Variants in NT5C2 observed in about 807,000 individuals in gnomAD.
NT5C2 encodes cytosolic purine 5'-nucleotidase.
Under a neutral mutation model 76.1 loss-of-function variants are expected in NT5C2, and 58 were observed. The ratio of observed to expected loss-of-function variants is 0.76; its 90% CI spans 0.62 to 0.95. The LOEUF (loss-of-function observed/expected upper bound fraction) is 0.95. Ranked by LOEUF, NT5C2 falls within the 40% of genes least tolerant of loss-of-function variation. NT5C2 has a pLI of 0.00. For missense variants in NT5C2, 478 were observed against 690.3 expected, an observed-to-expected ratio of 0.69 and a Z score of 3.45; for synonymous variants, 229 against 237.4, an observed-to-expected ratio of 0.96 and a Z score of 0.32.
At chr10:103,115,514 G>C (rs1198817394) in intron 4 of NT5C2, among the ~76,000 whole-genome samples, 1 of 152,038 alleles carries the variant, frequency 6.6e-6, no homozygotes, top group African/African-American at 2.4e-5. Context: ...CAAAAAATCT[G>C]GCCTACATTT....
intron 4 of NT5C2, among the ~76,000 whole-genome samples, chr10:103,134,700 T>A (rs773607419): frequency 6.6e-6 from 1 of 152,040 alleles, no homozygotes; most frequent in Non-Finnish European, 1.5e-5. Flanking sequence ...CCCAGAATAA[T>A]AGATCCACTG....
chr10:103,098,525 G>A (rs1196950268), intron 10 of NT5C2: 2 of 184,016 alleles, frequency 1.1e-5, no homozygotes, highest in Non-Finnish European at 2.2e-5. Context: ...TATTTCTCAG[G>A]TTTTTTATCT....
chr10:103,144,926 C>T (rs766753709), intron 3 of NT5C2, among the ~76,000 whole-genome samples: 39 of 152,186 alleles, frequency 2.6e-4, no homozygotes, highest in Admixed American at 4.6e-4. Context: ...AACTTAGAAA[C>T]AATCACTTCT....
intron 1 of NT5C2, among the ~76,000 whole-genome samples, chr10:103,187,419 G>C (rs1241585850): frequency 1.4e-5 from 2 of 147,094 alleles, no homozygotes; most frequent in East Asian, 2.0e-4. Context: ...CAGGTGTAGT[G>C]GTGGGCGCCT....
chr10:103,156,499 A>C (rs2083411458), intron 3 of NT5C2, among the ~76,000 whole-genome samples: 1 of 152,206 alleles, frequency 6.6e-6, no homozygotes, highest in Non-Finnish European at 1.5e-5. Context: ...TCATGCCTGT[A>C]ATCCCAGCAC....
chr10:103,191,567 G>A (rs141568615), intron 1 of NT5C2, among the ~76,000 whole-genome samples: 2 of 152,240 alleles, frequency 1.3e-5, no homozygotes, highest in Admixed American at 1.3e-4. Flanking sequence ...GGTTAAGGGT[G>A]GCAGGTACTA....
At chr10:103,123,103 T>A (rs1218823069) in intron 4 of NT5C2, among the ~76,000 whole-genome samples, 1 of 152,196 alleles carries the variant, frequency 6.6e-6, no homozygotes, top group Non-Finnish European at 1.5e-5. Context: ...TAAGTCATCT[T>A]ATCTGTTGAC....
chr10:103,093,929 G>A (rs965259843), intron 14 of NT5C2, 43 bp downstream of exon 14: 7 of 1,426,016 alleles, frequency 4.9e-6, no homozygotes, highest in Non-Finnish European at 6.9e-6. Context: ...TTCACTGTGA[G>A]GTCTGAGCAA....
At chr10:103,178,087 T>A (rs1436306100) in intron 2 of NT5C2, among the ~76,000 whole-genome samples, 1 of 152,218 alleles carries the variant, frequency 6.6e-6, no homozygotes, top group African/African-American at 2.4e-5. Flanking sequence ...AGCTCATCCA[T>A]GTAGTATCAC....
chr10:103,138,363 T>C (rs541216435), intron 4 of NT5C2, among the ~76,000 whole-genome samples: 2 of 152,300 alleles, frequency 1.3e-5, no homozygotes, highest in Admixed American at 1.3e-4. Flanking sequence ...GCTGCACCTA[T>C]AAACCCGTCA....
At chr10:103,137,828 A>T (rs1320176301) in intron 4 of NT5C2, among the ~76,000 whole-genome samples, 1 of 152,146 alleles carries the variant, frequency 6.6e-6, no homozygotes, top group African/African-American at 2.4e-5. Flanking sequence ...TAATACATTG[A>T]CTCTTTCAAA....
intron 1 of NT5C2, among the ~76,000 whole-genome samples, chr10:103,187,567 A>C (rs2092188255): frequency 6.6e-6 from 1 of 151,824 alleles, no homozygotes; most frequent in African/African-American, 2.4e-5. Flanking sequence ...AAAAAAAAAA[A>C]AAAAACTTTT....
chr10:103,161,915 G>A (rs1305757822), intron 3 of NT5C2, among the ~76,000 whole-genome samples: 1 of 152,160 alleles, frequency 6.6e-6, no homozygotes, highest in Non-Finnish European at 1.5e-5. Context: ...TAATGAGTAT[G>A]AGGTTTCTTT....
rs1388692907 is a variant in NT5C2 at position 103,088,747 on chromosome 10, T to A, written c.*925A>T. On this transcript the variant is annotated 3_prime_UTR_variant, in exon 19 of 19. Transcript: ENST00000404739. Reference sequence around the variant, plus strand: ...GATTGTGCCCTCTACTTTAGTAAGGTTCTGGCTTACAGAGCCCTCTTCCCA... The same window carrying A: ...GATTGTGCCCTCTACTTTAGTAAGGATCTGGCTTACAGAGCCCTCTTCCCA... 5.6e-6 allele frequency: 1 copy of A among 179,742 alleles called. No individual in the cohort carries two copies. Among genetic ancestry groups the A allele is most frequent in the East Asian group, 9.2e-5 (1 of 10,910 alleles). 11.1% of individuals were successfully genotyped at this position (179,742 alleles called of 1,614,324 possible).
At chr10:103,188,188 T>G (rs1222751964) in intron 1 of NT5C2, among the ~76,000 whole-genome samples, 1 of 151,682 alleles carries the variant, frequency 6.6e-6, no homozygotes, top group Non-Finnish European at 1.5e-5. Context: ...AACCCCCATC[T>G]CCACTAAAAA....
intron 3 of NT5C2, chr10:103,146,511 A>C: frequency 1.2e-6 from 1 of 814,006 alleles, no homozygotes; most frequent in Non-Finnish European, 1.5e-6. Context: ...TGAGAGGGCA[A>C]ATTGAAATTA....
intron 1 of NT5C2, among the ~76,000 whole-genome samples, chr10:103,190,613 G>A (rs2092564226): frequency 6.6e-6 from 1 of 152,138 alleles, no homozygotes; most frequent in African/African-American, 2.4e-5. Flanking sequence ...GCTTGTCTAA[G>A]GTTAACTGAG....
Position 103,095,720 on chromosome 10 carries a change from C to G in NT5C2, c.813+219G>C, listed in dbSNP as rs966626865. 9.9e-5 allele frequency among the ~76,000 whole-genome samples: 15 copies of G among 152,156 alleles called. 1 individual carries two copies. Among genetic ancestry groups the G allele is most frequent in the African/African-American group, 2.4e-4 (10 of 41,434 alleles). ...ACATGAATATCCCTTTTATTTCTGTCTATTAAGTATTCAAGTTGCGGACTC... is the reference window on the plus strand; with the variant it reads ...ACATGAATATCCCTTTTATTTCTGTGTATTAAGTATTCAAGTTGCGGACTC... On this transcript the variant is annotated intron_variant, in intron 12 of 18. Transcript: ENST00000404739.
chr10:103,122,079 C>A (rs1048328229), intron 4 of NT5C2, among the ~76,000 whole-genome samples: 5 of 152,066 alleles, frequency 3.3e-5, no homozygotes, highest in Non-Finnish European at 5.9e-5. Context: ...GAGACTGAGG[C>A]GCCAGAATCG....
Sources: gnomAD v4.1 joint callset for allele counts (sites outside exome capture counted in the v4.1 genomes callset) on GRCh38, gnomAD v4.1.1 for gene constraint, MANE v1.5 for transcripts, NCBI Gene and HGNC (gene_info 2026-07-23, HGNC 2026-07-21) for gene names.